Variants in TNR observed in about 807,000 individuals in gnomAD.
TNR encodes tenascin R.
In TNR, 45 loss-of-function variants were observed where a neutral mutation model predicts 150.4. That is an observed-to-expected ratio of 0.30 (90% CI 0.24 to 0.38). TNR has a LOEUF of 0.38. TNR is among the 10% of genes least tolerant of loss of function. The pLI is 1.00. For synonymous variants in TNR, 687 were observed against 678.4 expected (o/e 1.01, Z -0.20); for missense variants, 1,544 against 1,759.1 (o/e 0.88, Z 2.19).
At chr1:175,517,094 C>A (rs1659446437) in intron 2 of TNR, among the ~76,000 whole-genome samples, 1 of 150,966 alleles carries the variant, frequency 6.6e-6, no homozygotes, top group Admixed American at 6.6e-5. Flanking sequence ...CACAGTGGTG[C>A]CAACCCCTCA....
At chr1:175,577,954 C>T (rs937192585) in intron 1 of TNR, among the ~76,000 whole-genome samples, 3 of 152,186 alleles carry the variant, frequency 2.0e-5, no homozygotes, top group African/African-American at 7.2e-5. Context: ...AGTTATTTCA[C>T]CTCCCTGAAC....
intron 1 of TNR, among the ~76,000 whole-genome samples, chr1:175,680,962 T>G (rs1456865020): frequency 1.3e-5 from 2 of 152,284 alleles, no homozygotes; most frequent in Middle Eastern, 3.4e-3. Flanking sequence ...TGAACCTCAG[T>G]TGTTTCCCCC....
chr1:175,334,301 GT>G (rs780455379), intron 20 of TNR, among the ~76,000 whole-genome samples: 6 of 152,172 alleles, frequency 3.9e-5, no homozygotes, highest in Non-Finnish European at 7.4e-5. Flanking sequence ...TTAGTTTATA[GT>G]TTAATTTTAA....
chr1:175,514,983 G>T (rs1173151400), intron 2 of TNR, among the ~76,000 whole-genome samples: 1 of 152,138 alleles, frequency 6.6e-6, no homozygotes, highest in East Asian at 1.9e-4. Context: ...AGAGTGGGAG[G>T]ATAAAGAAGT....
chr1:175,391,538 G>A, intron 6 of TNR, 100 bp from the exon 7 acceptor site: 1 of 1,359,184 alleles, frequency 7.4e-7, no homozygotes, highest in Non-Finnish European at 9.9e-7. Flanking sequence ...TGTGGATTGT[G>A]AATTTAAAAT....
chr1:175,661,700 C>T, intron 1 of TNR, among the ~76,000 whole-genome samples: 1 of 152,134 alleles, frequency 6.6e-6, no homozygotes, highest in Non-Finnish European at 1.5e-5. Context: ...CATGCCTCCT[C>T]TCCCTGCTCC....
rs191277384 is a variant in TNR, at chr1:175,632,039, A to G, written c.-164-103670T>C. On this transcript the variant is annotated intron_variant, in intron 1 of 22. Transcript: ENST00000367674. ...AGGAGATGGGTAGGAGGAAGTAAAT[A>G]CCATCAAAGTGCCCCAAGGGGCACT... Among the ~76,000 whole-genome samples, 528 of 152,316 alleles carry G rather than the reference A, an allele frequency of 3.5e-3. 2 individuals carry two copies. Among genetic ancestry groups the G allele is most frequent in the African/African-American group, 0.012 (507 of 41,578 alleles).
At chr1:175,329,606 T>C (rs1232999576) in intron 21 of TNR, among the ~76,000 whole-genome samples, 1 of 152,212 alleles carries the variant, frequency 6.6e-6, no homozygotes, top group Non-Finnish European at 1.5e-5. Context: ...GTGACATCTG[T>C]ATGATTTGCA....
chr1:175,431,664 G>A (rs1211539918), intron 2 of TNR, among the ~76,000 whole-genome samples: 1 of 149,220 alleles, frequency 6.7e-6, no homozygotes. Context: ...AATGGGGCCA[G>A]GCCTCAGGCA....
chr1:175,402,303 G>A (rs1343213800), intron 4 of TNR, among the ~76,000 whole-genome samples: 1 of 87,824 alleles, frequency 1.1e-5, no homozygotes, highest in East Asian at 4.1e-4. Context: ...GACAGAGCGA[G>A]ACTCCGTCTC....
At chr1:175,523,538 G>C (rs1659726095) in intron 2 of TNR, among the ~76,000 whole-genome samples, 1 of 152,186 alleles carries the variant, frequency 6.6e-6, no homozygotes, top group Admixed American at 6.5e-5. Flanking sequence ...AGCACAGTAA[G>C]AAAAAGTACA....
chr1:175,351,055 TGGCTTGCGATCACCTGGGA>T (rs1651029114), intron 18 of TNR, among the ~76,000 whole-genome samples: 1 of 152,220 alleles, frequency 6.6e-6, no homozygotes, highest in Non-Finnish European at 1.5e-5. Flanking sequence ...CCATTAGCCC[TGGCTTGCGATCACCTGGGA>T]GGCTTCCAGT....
At chr1:175,606,497 C>A (rs548551064) in intron 1 of TNR, among the ~76,000 whole-genome samples, 1 of 152,122 alleles carries the variant, frequency 6.6e-6, no homozygotes, top group Non-Finnish European at 1.5e-5. Context: ...GTCACAAATC[C>A]GTTTACACGA....
intron 2 of TNR, among the ~76,000 whole-genome samples, chr1:175,463,758 C>T (rs1557949669): frequency 6.6e-6 from 1 of 152,184 alleles, no homozygotes; most frequent in Non-Finnish European, 1.5e-5. Flanking sequence ...CAAGATTACC[C>T]CTTCCCCACT....
At chr1:175,439,664 T>C (rs1317719787) in intron 2 of TNR, among the ~76,000 whole-genome samples, 1 of 152,060 alleles carries the variant, frequency 6.6e-6, no homozygotes, top group East Asian at 1.9e-4. Context: ...ACAAGGAACT[T>C]AAACAAATTT....
At chr1:175,446,226 C>T (rs917860035) in intron 2 of TNR, among the ~76,000 whole-genome samples, 2 of 152,210 alleles carry the variant, frequency 1.3e-5, no homozygotes, top group Admixed American at 1.3e-4. Context: ...AATCACAGCT[C>T]AGCCACTCAG....
chr1:175,608,627 G>A (rs1663488471), intron 1 of TNR, among the ~76,000 whole-genome samples: 1 of 152,148 alleles, frequency 6.6e-6, no homozygotes, highest in Non-Finnish European at 1.5e-5. Flanking sequence ...AAACTGACAA[G>A]GGATTGAGAT....
intron 1 of TNR, among the ~76,000 whole-genome samples, chr1:175,712,335 G>A (rs1248304143): frequency 5.0e-4 from 76 of 152,246 alleles, no homozygotes; most frequent in Non-Finnish European, 1.2e-4. Flanking sequence ...GTTCACTTTA[G>A]ATGAATTGCT....
At chr1:175,411,725 A>C (rs1292886259) in intron 2 of TNR, among the ~76,000 whole-genome samples, 2 of 151,512 alleles carry the variant, frequency 1.3e-5, no homozygotes, top group African/African-American at 4.9e-5. Flanking sequence ...GAACCACTCT[A>C]CTCCAGTATG....
Sources: allele counts gnomAD v4.1 joint callset (sites outside exome capture counted in the v4.1 genomes callset), GRCh38; gene constraint gnomAD v4.1.1; transcripts MANE v1.5; gene names NCBI Gene and HGNC (gene_info 2026-07-23, HGNC 2026-07-21).